Variants in CSMD3 observed in about 807,000 individuals in gnomAD.
CSMD3 encodes the protein CUB and Sushi multiple domains 3.
A neutral mutation model predicts 435.2 loss-of-function variants in CSMD3; 177 were observed. The ratio of observed to expected loss-of-function variants is 0.41; its 90% confidence interval spans 0.36 to 0.46. The LOEUF is 0.46. Ranked by LOEUF, CSMD3 falls within the 20% of genes least tolerant of loss-of-function variation. The pLI is 0.34. For missense variants in CSMD3, 4,265 were observed against 4,504.6 expected (o/e 0.95, Z 1.52); for synonymous variants, 1,656 against 1,520.5 (o/e 1.09, Z -2.07).
At chr8:112,355,000 C>T (rs1826458102) in intron 38 of CSMD3, among the ~76,000 whole-genome samples, 1 of 152,152 alleles carries the variant, frequency 6.6e-6, no homozygotes, top group Non-Finnish European at 1.5e-5. Context: ...GGTACAGAAA[C>T]AGACACAACG....
At chr8:112,476,244 C>T (rs769136828) in intron 31 of CSMD3, among the ~76,000 whole-genome samples, 24 of 152,200 alleles carry the variant, frequency 1.6e-4, no homozygotes, top group Non-Finnish European at 3.4e-4. Context: ...TGGGGTTTTA[C>T]CATGTCAGCC....
chr8:113,287,083 A>G (rs1284359765), intron 2 of CSMD3, among the ~76,000 whole-genome samples: 1 of 151,990 alleles, frequency 6.6e-6, no homozygotes, highest in Non-Finnish European at 1.5e-5. Context: ...TTGGATAACA[A>G]ATTGTCATTA....
intron 3 of CSMD3, among the ~76,000 whole-genome samples, chr8:113,205,941 A>G (rs1268958816): frequency 6.6e-6 from 1 of 151,954 alleles, no homozygotes; most frequent in Non-Finnish European, 1.5e-5. Context: ...GTCAGTGTAG[A>G]ATAGAAGCTG....
intron 18 of CSMD3, among the ~76,000 whole-genome samples, chr8:112,651,789 G>A (rs1262929883): frequency 6.6e-6 from 1 of 151,762 alleles, no homozygotes; most frequent in Non-Finnish European, 1.5e-5. Context: ...TCCTGCATCA[G>A]TCTTCCAAAG....
At chr8:112,940,521 A>G (rs2083420183) in intron 9 of CSMD3, among the ~76,000 whole-genome samples, 1 of 151,864 alleles carries the variant, frequency 6.6e-6, no homozygotes, top group South Asian at 2.1e-4. Context: ...AGGGCATTTA[A>G]CTTTTTAATT....
chr8:112,698,139 A>G (rs1015433319), intron 13 of CSMD3, among the ~76,000 whole-genome samples: 25 of 151,968 alleles, frequency 1.6e-4, no homozygotes, highest in African/African-American at 6.0e-4. Flanking sequence ...TTGGGAGGTT[A>G]AGTATATGTG....
chr8:113,305,045 G>A (rs202100400), intron 2 of CSMD3, among the ~76,000 whole-genome samples: 18,840 of 146,666 alleles, frequency 0.13, 1,932 homozygotes, highest in African/African-American at 0.3. Context: ...GTAAACTATC[G>A]CAAGAACAAA....
intron 5 of CSMD3, among the ~76,000 whole-genome samples, chr8:113,092,009 T>C (rs1321273299): frequency 6.6e-6 from 1 of 152,080 alleles, no homozygotes; most frequent in East Asian, 1.9e-4. Flanking sequence ...GGTATCTATT[T>C]TTGGCAATAA....
chr8:113,182,043 A>G (rs2092428591), intron 3 of CSMD3, among the ~76,000 whole-genome samples: 1 of 152,052 alleles, frequency 6.6e-6, no homozygotes, highest in South Asian at 2.1e-4. Flanking sequence ...ATCCATCACC[A>G]AATAATTATT....
chr8:112,723,407 A>G (rs1427565863), intron 13 of CSMD3, among the ~76,000 whole-genome samples: 1 of 152,156 alleles, frequency 6.6e-6, no homozygotes, highest in Non-Finnish European at 1.5e-5. Flanking sequence ...TGGTGAGTAT[A>G]TTAGATTTAA....
chr8:113,195,735 CTCTA>C lies in CSMD3; in HGVS notation c.515-21823_515-21820del, dbSNP rs558684980. ...TTACTATTCATATCTATAACTATAT[CTCTA>C]TCTATTTAACTTTTACTTGGATACA... On this transcript the variant is annotated intron_variant, in intron 3 of 70. Coordinates refer to ENST00000297405, the MANE Select transcript of CSMD3 (RefSeq NM_198123.2). Among the ~76,000 whole-genome samples the C allele has an allele frequency of 2.8e-3, 406 of 146,352 alleles. 2 individuals carry two copies. Among genetic ancestry groups the C allele is most frequent in the African/African-American group, 9.2e-3 (370 of 40,096 alleles).
chr8:112,244,608 A>G, intron 64 of CSMD3, 35 bp from the exon 65 acceptor site: 4 of 1,592,082 alleles, frequency 2.5e-6, no homozygotes, highest in Non-Finnish European at 3.4e-6. Flanking sequence ...TAAATTTTCT[A>G]TAGATATGTT....
At chr8:112,951,022 T>G (rs540428844) in intron 8 of CSMD3, among the ~76,000 whole-genome samples, 1 of 152,018 alleles carries the variant, frequency 6.6e-6, no homozygotes, top group East Asian at 1.9e-4. Flanking sequence ...AACTTTCCAA[T>G]TTAAAATGTA....
intron 69 of CSMD3, among the ~76,000 whole-genome samples, chr8:112,230,024 A>ATTAC (rs1355397381): frequency 3.9e-5 from 6 of 152,224 alleles, no homozygotes; most frequent in African/African-American, 7.2e-5. Flanking sequence ...AAGACACAGG[A>ATTAC]TTACAAGTAT....
chr8:112,824,274 T>C (rs1221557253), intron 12 of CSMD3, among the ~76,000 whole-genome samples: 1 of 152,190 alleles, frequency 6.6e-6, no homozygotes, highest in Non-Finnish European at 1.5e-5. Context: ...AGTCTTTGTC[T>C]TTTAACTGGG....
chr8:112,926,991 A>T (rs1454623198), intron 9 of CSMD3, among the ~76,000 whole-genome samples: 1 of 152,174 alleles, frequency 6.6e-6, no homozygotes. Context: ...ATGACAGATG[A>T]TCTAAAAATT....
intron 13 of CSMD3, among the ~76,000 whole-genome samples, chr8:112,709,401 C>T (rs545970705): frequency 6.6e-6 from 1 of 152,118 alleles, no homozygotes; most frequent in South Asian, 2.1e-4. Flanking sequence ...TTCCTTAGGA[C>T]ACGCTTGGGG....
At chr8:112,695,364 C>T (rs1055737071) in intron 13 of CSMD3, among the ~76,000 whole-genome samples, 2 of 152,060 alleles carry the variant, frequency 1.3e-5, no homozygotes, top group African/African-American at 4.8e-5. Context: ...TTTTCTTTCT[C>T]CTTTTTAACC....
chr8:113,260,106 C>G (rs1292869791), intron 3 of CSMD3, among the ~76,000 whole-genome samples: 1 of 152,108 alleles, frequency 6.6e-6, no homozygotes, highest in Non-Finnish European at 1.5e-5. Flanking sequence ...AGAGCCCTCC[C>G]TAGCCCTGTG....
Sources: allele counts gnomAD v4.1 joint callset (sites outside exome capture counted in the v4.1 genomes callset), GRCh38; gene constraint gnomAD v4.1.1; transcripts MANE v1.5; gene names NCBI Gene and HGNC (gene_info 2026-07-23, HGNC 2026-07-21).